IMPA2: variants seen among roughly 807,000 people sequenced by gnomAD.
IMPA2 encodes the protein inositol monophosphatase 2.
Under a neutral mutation model 35.1 loss-of-function variants are expected in IMPA2, and 32 were observed. The ratio of observed to expected loss-of-function variants is 0.91; its 90% CI spans 0.69 to 1.23. The LOEUF (loss-of-function observed/expected upper bound fraction) is 1.23. Among genes scored for constraint, IMPA2 ranks in the 50% most tolerant of loss-of-function variants. IMPA2 has a pLI of 0.00. For missense variants in IMPA2, 334 were observed against 387.6 expected, an observed-to-expected ratio of 0.86 and a Z score of 1.16; for synonymous variants, 135 against 160.6, an observed-to-expected ratio of 0.84 and a Z score of 1.20.
chr18:11,987,094 G>A (rs1598681294), intron 1 of IMPA2, among the ~76,000 whole-genome samples: 2 of 152,286 alleles, frequency 1.3e-5, no homozygotes, highest in South Asian at 2.1e-4. Flanking sequence ...TCGCTGCTGT[G>A]GAGCAGTGCT....
At position 12,014,211 on chromosome 18, in the gene IMPA2, C is replaced by T. The variant is rs1377881566; in HGVS notation, c.382-54C>T. ...ATCTTTGAATAACAATGTTTTTTCC[C>T]ACATCAAACGAGTGAACCATCTTTG... is the stretch of plus-strand genomic sequence containing the variant. On this transcript the variant is annotated intron_variant, in intron 4 of 7. Coordinates refer to ENST00000269159, the MANE Select transcript of IMPA2 (RefSeq NM_014214.3). 4 of 1,246,360 alleles carry T rather than the reference C, an allele frequency of 3.2e-6. No individual in the cohort carries two copies. In the South Asian group the frequency reaches 3.6e-5, roughly 11 times the overall value. 77.2% of individuals were successfully genotyped at this position (1,246,360 alleles called of 1,614,324 possible).
chr18:11,982,212 C>G (rs555704452), intron 1 of IMPA2, among the ~76,000 whole-genome samples: 1 of 152,276 alleles, frequency 6.6e-6, no homozygotes, highest in South Asian at 2.1e-4. Flanking sequence ...TTACTCTGAC[C>G]CACACCCTGA....
chr18:12,006,176 C>T (rs3786292), intron 2 of IMPA2, among the ~76,000 whole-genome samples: 21,906 of 152,140 alleles, frequency 0.14, 1,802 homozygotes, highest in African/African-American at 0.22. Context: ...CTTATGATCA[C>T]GCCCTAAGTG....
chr18:12,008,561 G>A (rs777313680), intron 2 of IMPA2: 5 of 456,650 alleles, frequency 1.1e-5, no homozygotes, highest in East Asian at 6.9e-5. Flanking sequence ...TGTAAACAGC[G>A]GCCAGCTCCA....
At chr18:12,030,049 C>A (rs1199429259) in intron 7 of IMPA2, among the ~76,000 whole-genome samples, 2 of 152,210 alleles carry the variant, frequency 1.3e-5, no homozygotes, top group Non-Finnish European at 2.9e-5. Context: ...CCATTGCTTG[C>A]ATTTCTTAGG....
At chr18:11,996,617 T>C (rs758701092) in intron 1 of IMPA2, among the ~76,000 whole-genome samples, 2 of 152,052 alleles carry the variant, frequency 1.3e-5, no homozygotes, top group Non-Finnish European at 2.9e-5. Flanking sequence ...ACGTGGGAGT[T>C]TGAGACTCTG....
At chr18:11,986,607 T>G (rs1906672759) in intron 1 of IMPA2, among the ~76,000 whole-genome samples, 1 of 152,200 alleles carries the variant, frequency 6.6e-6, no homozygotes, top group Non-Finnish European at 1.5e-5. Context: ...TTGTTTTGAT[T>G]TGTGATTTTC....
chr18:11,992,917 T>C, intron 1 of IMPA2, among the ~76,000 whole-genome samples: 1 of 152,222 alleles, frequency 6.6e-6, no homozygotes, highest in Admixed American at 6.5e-5. Context: ...CTTTTTCTCT[T>C]AGCATAGGAC....
chr18:12,029,025 A>G, intron 7 of IMPA2, 32 bp downstream of exon 7: 1 of 1,604,496 alleles, frequency 6.2e-7, no homozygotes, highest in South Asian at 1.1e-5. Flanking sequence ...ATGCAGCGGC[A>G]GAAACTAGAC....
chr18:11,990,150 G>A (rs1906773629), intron 1 of IMPA2, among the ~76,000 whole-genome samples: 2 of 152,294 alleles, frequency 1.3e-5, no homozygotes, highest in South Asian at 4.1e-4. Context: ...TGTGTCCGTT[G>A]TCCCAGCTCT....
intron 1 of IMPA2, among the ~76,000 whole-genome samples, chr18:11,995,265 A>G (rs1035870997): frequency 6.6e-6 from 1 of 152,150 alleles, no homozygotes; most frequent in Non-Finnish European, 1.5e-5. Flanking sequence ...GCAGCACCAC[A>G]CCTACTTTGT....
chr18:12,022,717 A>G (rs1378835792), intron 5 of IMPA2, among the ~76,000 whole-genome samples: 1 of 150,948 alleles, frequency 6.6e-6, no homozygotes, highest in Admixed American at 6.6e-5. Flanking sequence ...ATCTGGAGCA[A>G]AATCAAACAG....
Position 12,010,379 on chromosome 18 carries a change from G to T in IMPA2, c.335+392G>T, listed in dbSNP as rs751295710. 5.3e-4 allele frequency among the ~76,000 whole-genome samples: 81 copies of T among 152,216 alleles called. No individual in the cohort carries two copies. Among genetic ancestry groups the T allele is most frequent in the South Asian group, 1.2e-3 (6 of 4,832 alleles). On this transcript the variant is annotated intron_variant, in intron 3 of 7. Coordinates refer to ENST00000269159, the MANE Select transcript of IMPA2 (RefSeq NM_014214.3). This position sits in a 1 kb window ranked among gnomAD's most constrained non-coding sequence, Gnocchi z 4.8. ...GCCCAAGGTGTAGAGAGTGGCCTGT[G>T]ACAGGTGAGACTTGAGAGCCAGCTT...
At chr18:11,981,958 A>C (rs1433280016) in intron 1 of IMPA2, among the ~76,000 whole-genome samples, 193 bp downstream of exon 1, 1 of 151,300 alleles carries the variant, frequency 6.6e-6, no homozygotes, top group Non-Finnish European at 1.5e-5. Flanking sequence ...CCCTTCTCCA[A>C]CTCCCGGAGC....
chr18:12,029,435 T>G (rs1335178429), intron 7 of IMPA2, among the ~76,000 whole-genome samples: 3 of 149,664 alleles, frequency 2.0e-5, no homozygotes. Flanking sequence ...TTTTTCTTTT[T>G]TTTTTGACAC....
rs1276192711 is a variant in IMPA2 at position 12,022,551 on chromosome 18, A to G, written c.491-5492A>G. ...AGAATATATATATATATATATATAT[A>G]TATATTTGTGTGTGTGTGTGCGTTT... On this transcript the variant is annotated intron_variant, in intron 5 of 7. Transcript: ENST00000269159. Among the ~76,000 whole-genome samples, 5 of 136,522 alleles carry G rather than the reference A, an allele frequency of 3.7e-5. 1 individual carries two copies. Among genetic ancestry groups the G allele is most frequent in the South Asian group, 2.2e-4 (1 of 4,552 alleles). 89.6% of individuals were successfully genotyped at this position (136,522 alleles called of 152,430 possible).
chr18:12,021,641 C>A (rs767240966), intron 5 of IMPA2: 3 of 152,152 alleles, frequency 2.0e-5, no homozygotes, highest in Admixed American at 2.0e-4. Flanking sequence ...GCCAGCCTTC[C>A]GACTAGCTGG....
At chr18:11,986,634 C>T (rs73402742) in intron 1 of IMPA2, among the ~76,000 whole-genome samples, 8,777 of 152,224 alleles carry the variant, frequency 0.058, 874 homozygotes, top group African/African-American at 0.2. Flanking sequence ...GCTGGTTATT[C>T]ACACCGGGAA....
intron 5 of IMPA2, among the ~76,000 whole-genome samples, chr18:12,025,517 CA>C (rs1173158214): frequency 2.0e-5 from 3 of 152,238 alleles, no homozygotes; most frequent in Non-Finnish European, 4.4e-5. Context: ...TGTTGCTCCA[CA>C]TCCTGGCTGG....
Sources: gnomAD v4.1 joint callset for allele counts (sites outside exome capture counted in the v4.1 genomes callset) on GRCh38, gnomAD v4.1.1 for gene constraint, Gnocchi (gnomAD v3.1) non-coding constraint, MANE v1.5 for transcripts, NCBI Gene and HGNC (gene_info 2026-07-23, HGNC 2026-07-21) for gene names.